Variants in PDPK1 observed in about 807,000 individuals in gnomAD.
PDPK1 encodes 3-phosphoinositide-dependent protein kinase 1.
A neutral mutation model predicts 39.8 loss-of-function variants in PDPK1; 7 were observed. That is an observed-to-expected ratio of 0.18 (90% confidence interval 0.10 to 0.33). The LOEUF is 0.33. Ranked by LOEUF, PDPK1 falls within the 10% of genes least tolerant of loss-of-function variation. The probability of loss-of-function intolerance (pLI) is 1.00; values close to 1 mark genes in which losing one functional copy is unlikely to be tolerated. For synonymous variants in PDPK1, 118 were observed against 159.1 expected, an observed-to-expected ratio of 0.74 and a Z score of 1.95; for missense variants, 182 against 384.7, an observed-to-expected ratio of 0.47 and a Z score of 4.41.
rs2067118838 is a variant in PDPK1 at position 2,597,084 on chromosome 16, C to G, written c.1402-39C>G. 1 of 1,514,480 alleles carries G rather than the reference C, an allele frequency of 6.6e-7. No individual in the cohort carries two copies. Among genetic ancestry groups the G allele is most frequent in the Admixed American group, 1.9e-5 (1 of 51,396 alleles). The allele number at this position is 1,514,480 out of a possible 1,614,324, so 93.8% of individuals were successfully genotyped here. ...TAGGCTCCAGGAGATGCCGTCAGCA[C>G]TGGCCTCTGAGGCCTGTTGTTTTGT... On this transcript the variant is annotated intron_variant, in intron 12 of 13. Coordinates refer to ENST00000342085, the MANE Select transcript of PDPK1 (RefSeq NM_002613.5). The surrounding 1 kb of genome is among the most constrained non-coding windows in gnomAD (Gnocchi z 6.3).
rs768166848 is a variant in PDPK1 at position 2,586,813 on chromosome 16, G to C, written c.1263G>C (p.Ser421=). ...AGCAGTACATTCACGATCTGGACTC[G>C]AACTCCTTTGAACTGGACTTACAGT... ...NIEQYIHDLD[S]NSFELDLQFS... is the part of the protein sequence containing the mutation. Residue 421 remains serine, a synonymous_variant, in exon 11 of 14, where the codon TCG becomes TCC. Transcript: ENST00000342085. 2 of 1,614,226 alleles carry C rather than the reference G, an allele frequency of 1.2e-6. No homozygotes were observed. Among genetic ancestry groups the C allele is most frequent in the East Asian group, 2.2e-5 (1 of 44,882 alleles).
Position 2,598,722 on chromosome 16 carries a change from A to C in PDPK1, c.*955A>C, listed in dbSNP as rs2067153791. On this transcript the variant is annotated 3_prime_UTR_variant, in exon 14 of 14. Coordinates refer to ENST00000342085, the MANE Select transcript of PDPK1 (RefSeq NM_002613.5). ...GCCTGAGGGCCTCCTAAAAGGTTTA[A>C]ATGTCCACGCCTCTCCAGTTGCTGA... The C allele has an allele frequency of 1.3e-5, 3 of 233,074 alleles. No homozygotes were observed. The highest frequency in any genetic ancestry group is 6.6e-5 in the African/African-American group (3 of 45,282). The allele number at this position is 233,074 out of a possible 1,614,324, so 14.4% of individuals were successfully genotyped here.
rs2067241824 is a variant in PDPK1 at position 2,602,679 on chromosome 16, G to C, written c.*4912G>C. On this transcript the variant is annotated 3_prime_UTR_variant, in exon 14 of 14. Transcript: ENST00000342085. ...AGCTGTTCCTTCACAACATAAAATA[G>C]GATAAATGACTAGTACGTCTTTCAG... is the stretch of plus-strand genomic sequence containing the variant. 1 of 234,658 alleles carries C rather than the reference G, an allele frequency of 4.3e-6. No individual in the cohort carries two copies. The highest frequency in any genetic ancestry group is 8.5e-6 in the Non-Finnish European group (1 of 118,048). The allele number at this position is 234,658 out of a possible 1,614,324, so 14.5% of individuals were successfully genotyped here. A position where few individuals can be genotyped will look rare whatever the true frequency, so the allele number is the denominator to read the frequency against.
At chr16:2,587,683 A>AT (rs1305266608) in intron 11 of PDPK1, among the ~76,000 whole-genome samples, 1 of 152,004 alleles carries the variant, frequency 6.6e-6, no homozygotes, top group Non-Finnish European at 1.5e-5. Flanking sequence ...TAATTTTTGT[A>AT]TTTTTTGATA....
intron 1 of PDPK1, among the ~76,000 whole-genome samples, chr16:2,551,548 C>T (rs1265173444): frequency 6.6e-6 from 1 of 151,328 alleles, no homozygotes; most frequent in African/African-American, 2.4e-5. Flanking sequence ...CCAGAGCACA[C>T]ACTGCCATTT....
intron 10 of PDPK1, among the ~76,000 whole-genome samples, chr16:2,585,943 A>T (rs1003740305): frequency 6.6e-6 from 1 of 152,132 alleles, no homozygotes; most frequent in Non-Finnish European, 1.5e-5. Flanking sequence ...CTTGGCCTCC[A>T]CAGAGCTCAG....
intron 1 of PDPK1, among the ~76,000 whole-genome samples, chr16:2,541,583 G>A (rs1169546436): frequency 6.6e-6 from 1 of 152,172 alleles, no homozygotes; most frequent in African/African-American, 2.4e-5. Flanking sequence ...CCAAGCAGGT[G>A]CGAGGGCCAG....
intron 11 of PDPK1, among the ~76,000 whole-genome samples, chr16:2,590,159 C>T (rs1169862910): frequency 2.6e-5 from 4 of 152,074 alleles, no homozygotes; most frequent in African/African-American, 7.2e-5. Context: ...CTCCCTCTGT[C>T]GCCCAGGCTG....
Position 2,597,056 on chromosome 16 carries a change from C to G in PDPK1, c.1402-67C>G. 7.3e-7 allele frequency: 1 copy of G among 1,372,206 alleles called. No homozygotes were observed. The highest frequency in any genetic ancestry group is 9.9e-7 in the Non-Finnish European group (1 of 1,012,620). The allele number at this position is 1,372,206 out of a possible 1,614,324, so 85.0% of individuals were successfully genotyped here. ...AGCAGCTCCGAGGGGCCGCCCAGCC[C>G]TCTAGGCTCCAGGAGATGCCGTCAG... On this transcript the variant is annotated intron_variant, in intron 12 of 13. Transcript: ENST00000342085. This position sits in a 1 kb window ranked among gnomAD's most constrained non-coding sequence, Gnocchi z 6.3.
chr16:2,592,029 A>C (rs952015036), intron 11 of PDPK1, among the ~76,000 whole-genome samples: 4 of 152,190 alleles, frequency 2.6e-5, no homozygotes, highest in African/African-American at 4.8e-5. Flanking sequence ...CTGGCAGTGA[A>C]GCTGAGCCTG....
chr16:2,538,158 G>A, intron 1 of PDPK1, 22 bp downstream of exon 1: 1 of 1,054,110 alleles, frequency 9.5e-7, no homozygotes, highest in Non-Finnish European at 1.1e-6. Context: ...GCGGCGGACT[G>A]GACGCGCCGG....
chr16:2,597,683 C>G lies in PDPK1; in HGVS notation c.1587C>G (p.Ser529Arg). The change falls in exon 14 of 14, where the codon AGC becomes AGG. Residue 529 changes from serine to arginine, a missense_variant. By Grantham distance (110) the Ser-to-Arg change is moderately radical (BLOSUM62 -1). Transcript: ENST00000342085. This position sits in a 1 kb window ranked among gnomAD's most constrained non-coding sequence, Gnocchi z 6.3. ...PNRTYYLMDP[S>R]GNAHKWCRKI... is the part of the protein sequence containing the mutation. ...GGACGTATTATCTGATGGACCCCAG[C>G]GGGAACGCACACAAGTGGTGCAGGA... The G allele has an allele frequency of 6.2e-7, 1 of 1,613,762 alleles. No homozygotes were observed. Among genetic ancestry groups the G allele is most frequent in the Non-Finnish European group, 8.5e-7 (1 of 1,179,804 alleles).
intron 10 of PDPK1, among the ~76,000 whole-genome samples, chr16:2,584,697 C>T (rs528263405): frequency 1.3e-5 from 2 of 151,460 alleles, no homozygotes; most frequent in East Asian, 1.9e-4. Flanking sequence ...TAAAAGTCAT[C>T]CACAGCTAAA....
chr16:2,586,828 G>T lies in PDPK1; in HGVS notation c.1278G>T (p.Leu426=). The part of the protein sequence containing the change: ...IHDLDSNSFE[L]DLQFSEDEKR... The stretch of plus-strand genomic sequence containing the variant: ...ATCTGGACTCGAACTCCTTTGAACT[G>T]GACTTACAGTTTTCCGAAGATGAGA... The change falls in exon 11 of 14, where the codon CTG becomes CTT. Residue 426 remains leucine, a synonymous_variant. Coordinates refer to ENST00000342085, the MANE Select transcript of PDPK1 (RefSeq NM_002613.5). 6.2e-7 allele frequency: 1 copy of T among 1,614,252 alleles called. No individual in the cohort carries two copies. Among genetic ancestry groups the T allele is most frequent in the Non-Finnish European group, 8.5e-7 (1 of 1,180,050 alleles).
chr16:2,586,386 G>A (rs1000266217), intron 10 of PDPK1, among the ~76,000 whole-genome samples: 1 of 152,200 alleles, frequency 6.6e-6, no homozygotes, highest in Non-Finnish European at 1.5e-5. Flanking sequence ...CACGGGGCCC[G>A]CAGGGTAAGG....
rs1466623162 is a variant in PDPK1, at chr16:2,577,824, C to T, written c.785+324C>T. 6.7e-5 allele frequency among the ~76,000 whole-genome samples: 10 copies of T among 149,302 alleles called. 1 individual carries two copies. The highest frequency in any genetic ancestry group is 2.0e-4 in the East Asian group (1 of 4,942). Reference sequence around the variant, plus strand: ...CACCATCTCTGCTCGCTGCAACCTCCGCCTCCCGGGTTCAAGCAATTCTCC... The same window carrying T: ...CACCATCTCTGCTCGCTGCAACCTCTGCCTCCCGGGTTCAAGCAATTCTCC... On this transcript the variant is annotated intron_variant, in intron 7 of 13. Coordinates refer to ENST00000342085, the MANE Select transcript of PDPK1 (RefSeq NM_002613.5).
chr16:2,591,169 G>C (rs1205400151), intron 11 of PDPK1, among the ~76,000 whole-genome samples: 1 of 151,966 alleles, frequency 6.6e-6, no homozygotes, highest in African/African-American at 2.4e-5. Context: ...CACCATATTG[G>C]TCAGGCTGGT....
Position 2,597,038 on chromosome 16 carries a change from C to T in PDPK1, c.1402-85C>T. The T allele has an allele frequency of 1.7e-6, 2 of 1,162,116 alleles. No individual in the cohort carries two copies. The highest frequency in any genetic ancestry group is 1.8e-5 in the South Asian group (1 of 56,400). The allele number at this position is 1,162,116 out of a possible 1,614,324, so 72.0% of individuals were successfully genotyped here. A position where few individuals can be genotyped will look rare whatever the true frequency, so the allele number is the denominator to read the frequency against. On this transcript the variant is annotated intron_variant, in intron 12 of 13. Coordinates refer to ENST00000342085, the MANE Select transcript of PDPK1 (RefSeq NM_002613.5). This position sits in a 1 kb window ranked among gnomAD's most constrained non-coding sequence, Gnocchi z 6.3. ...TGGTGGCCCTGTGTCCTGAGCAGCT[C>T]CGAGGGGCCGCCCAGCCCTCTAGGC... is the stretch of plus-strand genomic sequence containing the variant.
intron 12 of PDPK1, among the ~76,000 whole-genome samples, chr16:2,596,419 C>T (rs1449491988): frequency 6.6e-6 from 1 of 152,182 alleles, no homozygotes; most frequent in Non-Finnish European, 1.5e-5. Context: ...TGGTCTTGAT[C>T]TCCTGACCTC....
Sources: gnomAD v4.1 joint callset for allele counts (sites outside exome capture counted in the v4.1 genomes callset) on GRCh38, gnomAD v4.1.1 for gene constraint, Gnocchi (gnomAD v3.1) non-coding constraint, MANE v1.5 for transcripts, NCBI Gene and HGNC (gene_info 2026-07-23, HGNC 2026-07-21) for gene names.